The following GCFC2 variants were observed in gnomAD, a reference collection of about 807,000 sequenced individuals.
GCFC2 encodes intron Large complex component GCFC2.
Under a neutral mutation model 99.4 loss-of-function variants are expected in GCFC2, and 102 were observed. The ratio of observed to expected loss-of-function variants is 1.03; its 90% CI spans 0.87 to 1.21. GCFC2 has a LOEUF of 1.21. GCFC2 is among the 50% of genes most tolerant of loss of function. The pLI is 0.00. For missense variants in GCFC2, 973 were observed against 920.9 expected (o/e 1.06, Z -0.73); for synonymous variants, 338 against 316.8 (o/e 1.07, Z -0.71).
At position 75,710,630 on chromosome 2, in the gene GCFC2, G is replaced by A; in HGVS notation, c.226C>T (p.Arg76Cys). 1 of 1,515,450 alleles carries A rather than the reference G, an allele frequency of 6.6e-7. No homozygotes were observed. The highest frequency in any genetic ancestry group is 8.8e-7 in the Non-Finnish European group (1 of 1,138,708). 93.9% of individuals were successfully genotyped at this position (1,515,450 alleles called of 1,614,324 possible). Reference protein sequence around the residue: ...GRGRVWASSRRATKAAPRADE... With the variant: ...GRGRVWASSRCATKAAPRADE... ...GCGCGGGGAGCCGCTTTGGTGGCAC[G>A]CCGGGAGCTCGCCCAGACCCGGCCC... Residue 76 changes from arginine to cysteine, a missense_variant, in exon 1 of 17, where the codon CGT becomes TGT. By Grantham distance (180) the Arg-to-Cys change is radical. Coordinates refer to ENST00000321027, the MANE Select transcript of GCFC2 (RefSeq NM_003203.5).
intron 14 of GCFC2, among the ~76,000 whole-genome samples, chr2:75,671,547 T>G (rs1307321748): frequency 6.6e-6 from 1 of 152,244 alleles, no homozygotes; most frequent in African/African-American, 2.4e-5. Flanking sequence ...TGCCACTGAC[T>G]TAGCAATAAT....
chr2:75,693,041 C>T (rs1209262354), intron 6 of GCFC2, among the ~76,000 whole-genome samples: 1 of 152,154 alleles, frequency 6.6e-6, no homozygotes, highest in African/African-American at 2.4e-5. Flanking sequence ...AAGAAAATTA[C>T]ATTGTAATAA....
At chr2:75,666,443 T>C (rs1678839327) in intron 15 of GCFC2, among the ~76,000 whole-genome samples, 1 of 152,176 alleles carries the variant, frequency 6.6e-6, no homozygotes, top group Admixed American at 6.5e-5. Context: ...AGAAATTGGA[T>C]GGCCTAGCAT....
At chr2:75,672,784 T>G (rs141407053) in intron 13 of GCFC2, among the ~76,000 whole-genome samples, 297 of 152,218 alleles carry the variant, frequency 2.0e-3, no homozygotes, top group African/African-American at 6.7e-3. Context: ...TATCCTTATT[T>G]TATAGATGAG....
chr2:75,698,936 T>C (rs900678426), intron 4 of GCFC2, among the ~76,000 whole-genome samples: 2 of 149,812 alleles, frequency 1.3e-5, no homozygotes, highest in Non-Finnish European at 3.0e-5. Context: ...TGCTTGAACC[T>C]GGGAAGTGGA....
At chr2:75,708,954 A>T (rs986791217) in intron 1 of GCFC2, among the ~76,000 whole-genome samples, 1 of 152,204 alleles carries the variant, frequency 6.6e-6, no homozygotes, top group African/African-American at 2.4e-5. Context: ...CAAATACTTC[A>T]ACCAAAACAA....
chr2:75,701,822 C>A (rs1680605127), intron 3 of GCFC2: 1 of 948,722 alleles, frequency 1.1e-6, no homozygotes. Flanking sequence ...TTTTTTATTA[C>A]AGCAGGGAAG....
intron 4 of GCFC2, 55 bp downstream of exon 4, chr2:75,701,135 T>C: frequency 1.0e-6 from 1 of 954,362 alleles, no homozygotes; most frequent in Non-Finnish European, 1.7e-6. Context: ...AAGTTTGTGG[T>C]AATTTGTTAT....
rs118048495 is a variant in GCFC2, at chr2:75,695,485, T to C, written c.833+715A>G. On this transcript the variant is annotated intron_variant, in intron 5 of 16. Coordinates refer to ENST00000321027, the MANE Select transcript of GCFC2 (RefSeq NM_003203.5). The stretch of plus-strand genomic sequence containing the variant: ...GAAAAATGCTTATAATCATATTAAA[T>C]AGAAAAGTAGAATTTTGTATTTACT... 4.3e-3 allele frequency among the ~76,000 whole-genome samples: 649 copies of C among 152,286 alleles called. 30 individuals carry two copies. The East Asian group carries it at 0.098, about 23-fold the overall frequency.
At chr2:75,675,253 G>A (rs954143576) in intron 12 of GCFC2, among the ~76,000 whole-genome samples, 1 of 152,214 alleles carries the variant, frequency 6.6e-6, no homozygotes, top group East Asian at 1.9e-4. Flanking sequence ...TAACAAATAT[G>A]CACCCTGTTC....
chr2:75,710,364 A>G, intron 1 of GCFC2: 10 of 1,038,468 alleles, frequency 9.6e-6, no homozygotes, highest in Non-Finnish European at 1.3e-5. Context: ...ACTGTACACG[A>G]TTGTTTTATT....
At chr2:75,673,006 C>A (rs2104229428) in intron 13 of GCFC2, among the ~76,000 whole-genome samples, 1 of 152,298 alleles carries the variant, frequency 6.6e-6, no homozygotes, top group Admixed American at 6.5e-5. Flanking sequence ...TATGTGTACA[C>A]ATGTTTTGAA....
At chr2:75,667,025 G>A (rs1678873407) in intron 15 of GCFC2, among the ~76,000 whole-genome samples, 1 of 152,144 alleles carries the variant, frequency 6.6e-6, no homozygotes, top group Non-Finnish European at 1.5e-5. Context: ...ACTAGGGTCT[G>A]GAAAGCTTTC....
rs1458676692 is a variant in GCFC2 at position 75,701,234 on chromosome 2, T to C, written c.673A>G (p.Thr225Ala). The change falls in exon 4 of 17, where the codon ACT becomes GCT. Residue 225 changes from threonine to alanine, a missense_variant. By Grantham distance (58) the Thr-to-Ala change is moderately conservative. Coordinates refer to ENST00000321027, the MANE Select transcript of GCFC2 (RefSeq NM_003203.5). ...TTCCTCATTTGCTGTTGTTCCCAAGTATCTTGCTTTTCATCTTCCTGACTT... is the reference window on the plus strand; with the variant it reads ...TTCCTCATTTGCTGTTGTTCCCAAGCATCTTGCTTTTCATCTTCCTGACTT... ...EESQEDEKQD[T>A]WEQQQMRKAV... 1.2e-6 allele frequency: 2 copies of C among 1,609,190 alleles called. No individual in the cohort carries two copies. The highest frequency in any genetic ancestry group is 1.7e-6 in the Non-Finnish European group (2 of 1,175,498).
chr2:75,667,061 TC>T (rs1320371762), intron 15 of GCFC2, among the ~76,000 whole-genome samples: 2 of 152,162 alleles, frequency 1.3e-5, no homozygotes, highest in Non-Finnish European at 2.9e-5. Context: ...AGTTTCTTAA[TC>T]TTAAGACAGA....
chr2:75,706,886 T>G (rs1472898814), intron 1 of GCFC2, among the ~76,000 whole-genome samples: 2 of 151,148 alleles, frequency 1.3e-5, no homozygotes, highest in Non-Finnish European at 1.5e-5. Flanking sequence ...TTTCCAAAAG[T>G]ATGCAATGAG....
At chr2:75,711,645 G>A (rs1681188318), upstream of GCFC2, among the ~76,000 whole-genome samples, 1 of 152,246 alleles carries the variant, frequency 6.6e-6, no homozygotes, top group African/African-American at 2.4e-5. Context: ...GGTGGGCATG[G>A]GCTTGGCGGG....
intron 3 of GCFC2, chr2:75,701,815 T>C (rs1256513099): frequency 2.1e-6 from 2 of 939,634 alleles, no homozygotes; most frequent in Non-Finnish European, 2.6e-6. Flanking sequence ...GAGGAAATTT[T>C]TTATTACAGC....
intron 7 of GCFC2, 32 bp from the exon 8 acceptor site, chr2:75,690,751 A>G (rs1573070425): frequency 9.5e-7 from 1 of 1,051,530 alleles, no homozygotes. Flanking sequence ...TTCATACTAC[A>G]AATTCTCAAA....
Sources: gnomAD v4.1 joint callset for allele counts (sites outside exome capture counted in the v4.1 genomes callset) on GRCh38, gnomAD v4.1.1 for gene constraint, MANE v1.5 for transcripts, NCBI Gene and HGNC (gene_info 2026-07-23, HGNC 2026-07-21) for gene names.